The following CDH12 variants were observed in gnomAD, a reference collection of about 807,000 sequenced individuals.
CDH12 encodes the protein cadherin-12.
A neutral mutation model predicts 74.1 loss-of-function variants in CDH12; 41 were observed. The ratio of observed to expected loss-of-function variants is 0.55; its 90% CI spans 0.43 to 0.72. CDH12 has a LOEUF of 0.72. CDH12 is among the 30% of genes least tolerant of loss of function. The pLI, the probability that CDH12 is intolerant of heterozygous loss-of-function variation, is 0.00. For synonymous variants in CDH12, 399 were observed against 355.0 expected, an observed-to-expected ratio of 1.12 and a Z score of -1.39; for missense variants, 945 against 977.2, an observed-to-expected ratio of 0.97 and a Z score of 0.44.
intron 6 of CDH12, among the ~76,000 whole-genome samples, chr5:21,902,565 G>C (rs566252204): frequency 7.2e-5 from 11 of 152,152 alleles, no homozygotes; most frequent in African/African-American, 2.4e-4. Flanking sequence ...AGAGTTAAAA[G>C]AGAATTGAAA....
intron 1 of CDH12, among the ~76,000 whole-genome samples, chr5:22,705,299 G>T (rs913126073): frequency 6.6e-6 from 1 of 151,844 alleles, no homozygotes; most frequent in African/African-American, 2.4e-5. Context: ...TCAATGAATG[G>T]TTAATCACCA....
chr5:22,642,497 T>C (rs186254127), intron 1 of CDH12, among the ~76,000 whole-genome samples: 18 of 152,240 alleles, frequency 1.2e-4, no homozygotes, highest in Admixed American at 7.9e-4. Flanking sequence ...GGCCTTGATA[T>C]TAAAGAAAGG....
intron 6 of CDH12, among the ~76,000 whole-genome samples, chr5:21,904,341 G>T (rs972062716): frequency 6.6e-6 from 1 of 152,130 alleles, no homozygotes; most frequent in African/African-American, 2.4e-5. Context: ...AAAGGGGAGA[G>T]AACACAAGAG....
chr5:22,714,725 A>G (rs1743481458), intron 1 of CDH12, among the ~76,000 whole-genome samples: 1 of 152,220 alleles, frequency 6.6e-6, no homozygotes, highest in East Asian at 1.9e-4. Context: ...TAATAGTAAA[A>G]TTAGACGTTC....
intron 1 of CDH12, among the ~76,000 whole-genome samples, chr5:22,598,531 C>T (rs1736706865): frequency 6.6e-6 from 1 of 152,118 alleles, no homozygotes; most frequent in Non-Finnish European, 1.5e-5. Flanking sequence ...TCAATTAAAC[C>T]TCTTTCCTTT....
intron 6 of CDH12, among the ~76,000 whole-genome samples, chr5:21,951,289 G>A (rs1406783180): frequency 4.0e-5 from 6 of 151,640 alleles, no homozygotes; most frequent in Admixed American, 2.0e-4. Context: ...CACTCTGTTC[G>A]CCAAGCTGGA....
At chr5:22,049,741 A>G (rs1009104595) in intron 5 of CDH12, among the ~76,000 whole-genome samples, 1 of 152,234 alleles carries the variant, frequency 6.6e-6, no homozygotes, top group Admixed American at 6.5e-5. Flanking sequence ...CTGTTGTTGT[A>G]GGATATCATG....
intron 3 of CDH12, among the ~76,000 whole-genome samples, chr5:22,371,678 T>C (rs1352979827): frequency 6.6e-6 from 1 of 152,230 alleles, no homozygotes; most frequent in African/African-American, 2.4e-5. Flanking sequence ...TCTTGTATTA[T>C]GTGAATTAAC....
At chr5:22,785,582 C>G (rs923851305) in intron 1 of CDH12, among the ~76,000 whole-genome samples, 3 of 152,106 alleles carry the variant, frequency 2.0e-5, no homozygotes, top group Non-Finnish European at 2.9e-5. Flanking sequence ...TGCAGTGGTG[C>G]AATCACAGCT....
chr5:22,336,599 G>T (rs186266360), intron 3 of CDH12, among the ~76,000 whole-genome samples: 74 of 152,330 alleles, frequency 4.9e-4, no homozygotes, highest in African/African-American at 1.6e-3. Flanking sequence ...GCTTCAGAGG[G>T]TGCAAGCCAC....
At chr5:22,419,249 A>G (rs1388019408) in intron 2 of CDH12, among the ~76,000 whole-genome samples, 2 of 152,040 alleles carry the variant, frequency 1.3e-5, no homozygotes, top group East Asian at 1.9e-4. Flanking sequence ...CTATCAACCC[A>G]TCACCTAGAC....
chr5:21,866,335 G>C (rs547078684), intron 6 of CDH12, among the ~76,000 whole-genome samples: 1 of 152,322 alleles, frequency 6.6e-6, no homozygotes. Flanking sequence ...GGGCTCAGAA[G>C]AAGACAGGAA....
intron 6 of CDH12, among the ~76,000 whole-genome samples, chr5:21,961,834 T>A (rs563532015): frequency 3.9e-5 from 6 of 152,258 alleles, no homozygotes; most frequent in Non-Finnish European, 8.8e-5. Flanking sequence ...ACCTAGTTTA[T>A]GGTACTTTGT....
Position 22,497,087 on chromosome 5 carries a change from T to C in CDH12, c.-428+8183A>G, listed in dbSNP as rs571282763. Among the ~76,000 whole-genome samples, 30 of 152,282 alleles carry C rather than the reference T, an allele frequency of 2.0e-4. 1 individual carries two copies. The South Asian group carries it at 6.2e-3, about 32-fold the overall frequency. Reference sequence around the variant, plus strand: ...AATAGTGCCTTTCTCATACAATTCTTATGAGGATTAATTAAACAACATAAC... The same window carrying C: ...AATAGTGCCTTTCTCATACAATTCTCATGAGGATTAATTAAACAACATAAC... On this transcript the variant is annotated intron_variant, in intron 2 of 14. Coordinates refer to ENST00000382254, the MANE Select transcript of CDH12 (RefSeq NM_004061.5).
At chr5:22,674,516 T>A (rs62348860) in intron 1 of CDH12, among the ~76,000 whole-genome samples, 16,069 of 152,202 alleles carry the variant, frequency 0.11, 1,150 homozygotes, top group Non-Finnish European at 0.16. Context: ...TATAGTATAC[T>A]GGCACCAGGA....
chr5:22,192,421 C>T lies in CDH12; in HGVS notation c.-187+20077G>A, dbSNP rs1351067690. 2.1e-4 allele frequency among the ~76,000 whole-genome samples: 32 copies of T among 152,120 alleles called. No individual in the cohort carries two copies. In the East Asian group the frequency reaches 2.5e-3, roughly 12 times the overall value. ...AGGCTGGTGGCTGGAAATGAGAGAG[C>T]GTTTTCTGGTGAATGTAATGTCAGG... On this transcript the variant is annotated intron_variant, in intron 4 of 14. Coordinates refer to ENST00000382254, the MANE Select transcript of CDH12 (RefSeq NM_004061.5).
rs557069730 is a variant in CDH12 at position 22,576,598 on chromosome 5, A to C, written c.-522-71234T>G. 1.1e-4 allele frequency among the ~76,000 whole-genome samples: 17 copies of C among 152,326 alleles called. No homozygotes were observed. The South Asian group carries it at 3.3e-3, about 30-fold the overall frequency. The stretch of plus-strand genomic sequence containing the variant: ...ACCCAGCCTTAACACTGAAAGAACT[A>C]GAATCGGAGGAAATTGCCGTTAAGC... On this transcript the variant is annotated intron_variant, in intron 1 of 14. Transcript: ENST00000382254.
At position 21,752,709 on chromosome 5, in the gene CDH12, G is replaced by A. The variant is rs773718303; in HGVS notation, c.1886-473C>T. ...TTCACTGTGACCATTATTTTTAAAG[G>A]CAATAAATAAGAAAGAGAGAAGTAG... On this transcript the variant is annotated intron_variant, in intron 14 of 14. Coordinates refer to ENST00000382254, the MANE Select transcript of CDH12 (RefSeq NM_004061.5). Among the ~76,000 whole-genome samples the A allele has an allele frequency of 1.9e-4, 29 of 151,742 alleles. No individual in the cohort carries two copies. In the South Asian group the frequency reaches 5.4e-3, roughly 28 times the overall value.
chr5:21,793,826 C>A (rs1420992563), intron 10 of CDH12, among the ~76,000 whole-genome samples: 2 of 151,370 alleles, frequency 1.3e-5, no homozygotes, highest in Non-Finnish European at 3.0e-5. Context: ...TGAAATGATT[C>A]ATTTCTCTTG....
Sources: allele counts gnomAD v4.1 joint callset (sites outside exome capture counted in the v4.1 genomes callset), GRCh38; gene constraint gnomAD v4.1.1; transcripts MANE v1.5; gene names NCBI Gene and HGNC (gene_info 2026-07-23, HGNC 2026-07-21).